Variants in KCND2 observed in about 807,000 individuals in gnomAD.
The protein encoded by KCND2 is potassium voltage-gated channel subfamily D member 2.
In KCND2, 16 loss-of-function variants were observed where a neutral mutation model predicts 54.4. The ratio of observed to expected loss-of-function variants is 0.29; its 90% CI spans 0.20 to 0.45. The LOEUF is 0.45. Ranked by LOEUF, KCND2 falls within the 20% of genes least tolerant of loss-of-function variation. The pLI is 1.00. For synonymous variants in KCND2, 317 were observed against 310.7 expected, an observed-to-expected ratio of 1.02 and a Z score of -0.21; for missense variants, 486 against 824.2, an observed-to-expected ratio of 0.59 and a Z score of 5.02.
intron 1 of KCND2, among the ~76,000 whole-genome samples, chr7:120,718,090 G>T (rs187482918): frequency 6.6e-6 from 1 of 152,234 alleles, no homozygotes; most frequent in East Asian, 1.9e-4. Flanking sequence ...GGTGGAGAGA[G>T]GCAGTGATAG....
intron 1 of KCND2, among the ~76,000 whole-genome samples, chr7:120,317,646 G>T (rs1799832570): frequency 6.6e-6 from 1 of 152,060 alleles, no homozygotes; most frequent in Non-Finnish European, 1.5e-5. Flanking sequence ...ACAACAAATT[G>T]GTTTTCATCC....
intron 1 of KCND2, among the ~76,000 whole-genome samples, chr7:120,584,728 CTG>C (rs879299917): frequency 6.6e-6 from 1 of 152,258 alleles, no homozygotes; most frequent in African/African-American, 2.4e-5. Context: ...ATTCTGCAGA[CTG>C]TGCACACTCA....
chr7:120,381,170 G>A (rs1013608856), intron 1 of KCND2, among the ~76,000 whole-genome samples: 3 of 151,970 alleles, frequency 2.0e-5, no homozygotes, highest in Non-Finnish European at 2.9e-5. Context: ...CAGGAGAATC[G>A]CTTGAACCCA....
At chr7:120,621,885 T>G (rs1793103498) in intron 1 of KCND2, among the ~76,000 whole-genome samples, 1 of 152,148 alleles carries the variant, frequency 6.6e-6, no homozygotes, top group Admixed American at 6.6e-5. Flanking sequence ...CCATTCCTCT[T>G]TTATTCATCT....
intron 1 of KCND2, among the ~76,000 whole-genome samples, chr7:120,574,511 AT>A (rs770020794): frequency 1.3e-5 from 2 of 152,236 alleles, no homozygotes; most frequent in Non-Finnish European, 2.9e-5. Flanking sequence ...ATAAGAGGCT[AT>A]TCTACACAAT....
chr7:120,519,429 A>G (rs561200700), intron 1 of KCND2, among the ~76,000 whole-genome samples: 11 of 152,108 alleles, frequency 7.2e-5, no homozygotes, highest in Non-Finnish European at 1.6e-4. Context: ...GGAAACAGGG[A>G]CCTCATCTCT....
At chr7:120,334,973 G>T (rs1221663550) in intron 1 of KCND2, among the ~76,000 whole-genome samples, 5 of 152,268 alleles carry the variant, frequency 3.3e-5, no homozygotes, top group Admixed American at 1.3e-4. Context: ...ATGTGGAGAT[G>T]ACACCATGAA....
At chr7:120,747,387 G>C (rs972884337) in intron 5 of KCND2, among the ~76,000 whole-genome samples, 1 of 152,000 alleles carries the variant, frequency 6.6e-6, no homozygotes, top group Non-Finnish European at 1.5e-5. Context: ...GCTCAGCCCA[G>C]GCTGTCCAAA....
chr7:120,611,843 T>C (rs754336120), intron 1 of KCND2, among the ~76,000 whole-genome samples: 1 of 152,138 alleles, frequency 6.6e-6, no homozygotes, highest in African/African-American at 2.4e-5. Flanking sequence ...CGAAAACCAC[T>C]AACAGATGTT....
At chr7:120,570,911 T>C (rs1246966696) in intron 1 of KCND2, among the ~76,000 whole-genome samples, 1 of 152,146 alleles carries the variant, frequency 6.6e-6, no homozygotes, top group Non-Finnish European at 1.5e-5. Flanking sequence ...TAAATATGTC[T>C]TGTGTTAATA....
At chr7:120,362,603 G>A (rs1438327678) in intron 1 of KCND2, among the ~76,000 whole-genome samples, 3 of 152,014 alleles carry the variant, frequency 2.0e-5, no homozygotes, top group Non-Finnish European at 4.4e-5. Context: ...ACAGCTTACA[G>A]GAGCTCTGGG....
In KCND2 at chr7:120,540,241, C is replaced by T. The variant is rs1205580895; in HGVS notation, c.1116-192662C>T. On this transcript the variant is annotated intron_variant, in intron 1 of 5. Coordinates refer to ENST00000331113, the MANE Select transcript of KCND2 (RefSeq NM_012281.3). ...GTGTACTTGTAACACTGTTCAGCAG[C>T]AAGTGTTATATAAAAAGTAAAATGT... Among the ~76,000 whole-genome samples, 3 of 152,020 alleles carry T rather than the reference C, an allele frequency of 2.0e-5. No individual in the cohort carries two copies. In the East Asian group the frequency reaches 5.8e-4, roughly 29 times the overall value.
intron 1 of KCND2, among the ~76,000 whole-genome samples, chr7:120,385,886 A>G (rs554253181): frequency 9.2e-5 from 14 of 152,186 alleles, no homozygotes; most frequent in African/African-American, 3.4e-4. Context: ...AGCTCTTTTC[A>G]TTCCAGCCCA....
chr7:120,632,713 G>A (rs1442592102), intron 1 of KCND2, among the ~76,000 whole-genome samples: 1 of 152,144 alleles, frequency 6.6e-6, no homozygotes. Context: ...ACCATGAGTT[G>A]TTTTACTGTT....
chr7:120,404,654 C>A (rs768170591), intron 1 of KCND2, among the ~76,000 whole-genome samples: 14 of 152,216 alleles, frequency 9.2e-5, no homozygotes, highest in Admixed American at 5.2e-4. Flanking sequence ...GGGTTCTAAA[C>A]CCAGCTTTGC....
chr7:120,397,336 C>G (rs1307771242), intron 1 of KCND2, among the ~76,000 whole-genome samples: 1 of 151,984 alleles, frequency 6.6e-6, no homozygotes, highest in Non-Finnish European at 1.5e-5. Context: ...TCAACAAATT[C>G]TCCACTTATC....
At chr7:120,288,759 T>C (rs1339756669) in intron 1 of KCND2, among the ~76,000 whole-genome samples, 1 of 152,006 alleles carries the variant, frequency 6.6e-6, no homozygotes, top group African/African-American at 2.4e-5. Flanking sequence ...GAACATCAGG[T>C]TTGGTAAAAA....
chr7:120,690,375 A>G (rs1046738433), intron 1 of KCND2, among the ~76,000 whole-genome samples: 2 of 152,188 alleles, frequency 1.3e-5, no homozygotes, highest in African/African-American at 4.8e-5. Flanking sequence ...AAATCCACCA[A>G]TAACTCTCAA....
chr7:120,392,236 G>A (rs558246850), intron 1 of KCND2, among the ~76,000 whole-genome samples: 2 of 151,920 alleles, frequency 1.3e-5, no homozygotes, highest in East Asian at 1.9e-4. Context: ...GATGTGTGGT[G>A]TTATTTCCGA....
Sources: gnomAD v4.1 joint callset for allele counts (sites outside exome capture counted in the v4.1 genomes callset) on GRCh38, gnomAD v4.1.1 for gene constraint, MANE v1.5 for transcripts, NCBI Gene and HGNC (gene_info 2026-07-23, HGNC 2026-07-21) for gene names.